The following ADCK1 variants were observed in gnomAD, a reference collection of about 807,000 sequenced individuals.
ADCK1 encodes aarF domain-containing protein kinase 1.
ADCK1 carries 41 observed loss-of-function variants against 52.3 expected under a neutral mutation model. That is an observed-to-expected ratio of 0.78 (90% confidence interval 0.61 to 1.02). ADCK1 has a LOEUF of 1.02. Among genes scored for constraint, ADCK1 ranks in the 50% least tolerant of loss-of-function variants. The pLI, the probability that ADCK1 is intolerant of heterozygous loss-of-function variation, is 0.00. For missense variants in ADCK1, 658 were observed against 679.5 expected, an observed-to-expected ratio of 0.97 and a Z score of 0.35; for synonymous variants, 250 against 274.6, an observed-to-expected ratio of 0.91 and a Z score of 0.89.
intron 7 of ADCK1, among the ~76,000 whole-genome samples, chr14:77,908,741 G>T (rs983864806): frequency 2.0e-5 from 3 of 152,110 alleles, no homozygotes; most frequent in African/African-American, 7.2e-5. Context: ...ATGGGGGCTC[G>T]CAGGGGGACC....
At chr14:77,926,147 A>G (rs553175013) in intron 9 of ADCK1, among the ~76,000 whole-genome samples, 186 bp downstream of exon 9, 1 of 152,200 alleles carries the variant, frequency 6.6e-6, no homozygotes, top group African/African-American at 2.4e-5. Flanking sequence ...CCTGGATGGA[A>G]GGAGGGAAAG....
At chr14:77,838,071 T>C (rs997459303) in intron 3 of ADCK1, among the ~76,000 whole-genome samples, 2 of 152,194 alleles carry the variant, frequency 1.3e-5, no homozygotes, top group African/African-American at 4.8e-5. Flanking sequence ...TAATAGCCTG[T>C]TCTTGATTTC....
intron 1 of ADCK1, among the ~76,000 whole-genome samples, chr14:77,810,503 C>T (rs188847985): frequency 5.9e-4 from 89 of 151,260 alleles, no homozygotes; most frequent in Non-Finnish European, 9.3e-4. Flanking sequence ...GGAGTTGTGA[C>T]TTACTCAAGG....
intron 6 of ADCK1, among the ~76,000 whole-genome samples, chr14:77,903,572 G>A (rs950986957): frequency 2.6e-5 from 4 of 152,230 alleles, no homozygotes; most frequent in Non-Finnish European, 5.9e-5. Flanking sequence ...GAGCGTATGT[G>A]CCAGGGGATG....
intron 9 of ADCK1, among the ~76,000 whole-genome samples, chr14:77,931,061 A>G (rs537781556): frequency 8.9e-4 from 135 of 152,238 alleles, no homozygotes; most frequent in African/African-American, 3.1e-3. Flanking sequence ...TAAGCAATGG[A>G]GCGTGAGCAG....
intron 3 of ADCK1, 138 bp from the exon 4 acceptor site, chr14:77,858,938 G>A: frequency 4.1e-6 from 3 of 738,452 alleles, no homozygotes; most frequent in Non-Finnish European, 6.5e-6. Context: ...GTGTGTGTGT[G>A]TGCGTGTGTG....
intron 1 of ADCK1, among the ~76,000 whole-genome samples, chr14:77,810,037 CAAAAAA>C (rs558244331): frequency 2.4e-4 from 26 of 107,842 alleles, no homozygotes; most frequent in Admixed American, 4.7e-4. Context: ...GACTCTGTCT[CAAAAAA>C]AAAAAAAAAA....
At chr14:77,920,185 G>T (rs1225414829) in intron 7 of ADCK1, among the ~76,000 whole-genome samples, 1 of 152,200 alleles carries the variant, frequency 6.6e-6, no homozygotes, top group Non-Finnish European at 1.5e-5. Context: ...TTAAGCCAAT[G>T]TCTAGAAGAG....
chr14:77,851,566 G>A (rs78964061), intron 3 of ADCK1, among the ~76,000 whole-genome samples: 2,258 of 152,054 alleles, frequency 0.015, 58 homozygotes, highest in African/African-American at 0.051. Context: ...CCTTTATCAC[G>A]CCTTCTTTTG....
rs1231193854 is a variant in ADCK1, at chr14:77,852,897, ATATATATATATTTTTTTTTTTT to A, written c.220-6177_220-6156del. Among the ~76,000 whole-genome samples, 46 of 34,714 alleles carry A rather than the reference ATATATATATATTTTTTTTTTTT, an allele frequency of 1.3e-3. 4 individuals carry two copies. The highest frequency in any genetic ancestry group is 1.9e-3 in the Non-Finnish European group (35 of 18,890). The allele number at this position is 34,714 out of a possible 152,430, so 22.8% of individuals were successfully genotyped here. On this transcript the variant is annotated intron_variant, in intron 3 of 10. Transcript: ENST00000238561. ...CTTTTATGTGTGTATATATATATATATATATATATATTTTTTTTTTTTTTTTTTTTTTTTAGAGACAGGGTCT... is the reference window on the plus strand; with the variant it reads ...CTTTTATGTGTGTATATATATATATATTTTTTTTTTTTAGAGACAGGGTCT...
At chr14:77,871,827 T>C (rs1335645673) in intron 4 of ADCK1, among the ~76,000 whole-genome samples, 1 of 151,896 alleles carries the variant, frequency 6.6e-6, no homozygotes. Context: ...TCTGTGAGAG[T>C]AAGTACTGTT....
intron 1 of ADCK1, among the ~76,000 whole-genome samples, chr14:77,802,454 CT>C (rs1319424937): frequency 8.6e-5 from 13 of 151,862 alleles, no homozygotes; most frequent in Non-Finnish European, 1.5e-5. Context: ...TCAGGGATTC[CT>C]TTTTTTATTT....
chr14:77,842,701 C>A (rs2082099620), intron 3 of ADCK1, among the ~76,000 whole-genome samples: 1 of 151,690 alleles, frequency 6.6e-6, no homozygotes, highest in Non-Finnish European at 1.5e-5. Context: ...CAGGCATGCA[C>A]CACCACGCCC....
At chr14:77,872,410 G>C (rs4371094) in intron 4 of ADCK1, among the ~76,000 whole-genome samples, 80,840 of 151,920 alleles carry the variant, frequency 0.53, 21,750 homozygotes, top group South Asian at 0.65. Context: ...TCCTCTGACC[G>C]CACATCTTGC....
chr14:77,804,188 A>G (rs2081169780), intron 1 of ADCK1, among the ~76,000 whole-genome samples: 1 of 152,196 alleles, frequency 6.6e-6, no homozygotes, highest in Non-Finnish European at 1.5e-5. Flanking sequence ...GACTCAGGTG[A>G]AAGTCAAAAA....
At chr14:77,906,789 C>G (rs1341191766) in intron 6 of ADCK1, among the ~76,000 whole-genome samples, 1 of 152,148 alleles carries the variant, frequency 6.6e-6, no homozygotes, top group African/African-American at 2.4e-5. Flanking sequence ...GCAAATACCC[C>G]CTTTTTTTTA....
intron 4 of ADCK1, among the ~76,000 whole-genome samples, chr14:77,859,908 C>T (rs983875953): frequency 1.3e-5 from 2 of 152,138 alleles, no homozygotes; most frequent in Non-Finnish European, 2.9e-5. Context: ...CGCTCTGGTC[C>T]CATTGTGCTA....
At chr14:77,887,303 T>C (rs886883741) in intron 5 of ADCK1, 54 bp downstream of exon 5, 6 of 1,484,624 alleles carry the variant, frequency 4.0e-6, no homozygotes, top group Admixed American at 4.4e-5. Flanking sequence ...TTCCCTGGGA[T>C]CCAGGCCACC....
At chr14:77,921,227 T>C (rs2084043718) in intron 7 of ADCK1, among the ~76,000 whole-genome samples, 1 of 142,694 alleles carries the variant, frequency 7.0e-6, no homozygotes, top group Admixed American at 7.4e-5. Flanking sequence ...CTCGGGAGGC[T>C]GAGGCAGGAG....
Sources: allele counts gnomAD v4.1 joint callset (sites outside exome capture counted in the v4.1 genomes callset), GRCh38; gene constraint gnomAD v4.1.1; transcripts MANE v1.5; gene names NCBI Gene and HGNC (gene_info 2026-07-23, HGNC 2026-07-21).